PDCD1LG2: variants seen among roughly 807,000 people sequenced by gnomAD.
PDCD1LG2 encodes the protein programmed cell death 1 ligand 2, also known as B7 dendritic cell molecule.
PDCD1LG2 carries 32 observed loss-of-function variants against 28.2 expected under a neutral mutation model. The observed-to-expected ratio is 1.13, with a 90% confidence interval of 0.86 to 1.52. The LOEUF (loss-of-function observed/expected upper bound fraction) is 1.52, where lower values mean the gene tolerates loss of function less well. Among genes scored for constraint, PDCD1LG2 ranks in the 40% most tolerant of loss-of-function variants. The pLI is 0.00. For missense variants in PDCD1LG2, 385 were observed against 323.8 expected (o/e 1.19, Z -1.45); for synonymous variants, 116 against 120.2 (o/e 0.97, Z 0.23).
chr9:5,531,964 G>A (rs1820492419), intron 2 of PDCD1LG2, among the ~76,000 whole-genome samples: 1 of 152,172 alleles, frequency 6.6e-6, no homozygotes, highest in Admixed American at 6.5e-5. Context: ...GGTATCAGGT[G>A]GCTCTGCATT....
intron 4 of PDCD1LG2, among the ~76,000 whole-genome samples, chr9:5,556,606 G>A (rs1210625930): frequency 6.6e-6 from 1 of 152,168 alleles, no homozygotes; most frequent in African/African-American, 2.4e-5. Flanking sequence ...ACAATCCGTG[G>A]TTCTCAGATA....
chr9:5,516,608 C>T (rs748630775), intron 1 of PDCD1LG2, among the ~76,000 whole-genome samples: 4 of 152,210 alleles, frequency 2.6e-5, no homozygotes, highest in Non-Finnish European at 5.9e-5. Context: ...CCAGGCTGTT[C>T]GTGCCGAGGG....
chr9:5,561,501 A>C (rs1015848748), intron 5 of PDCD1LG2, among the ~76,000 whole-genome samples: 2 of 152,192 alleles, frequency 1.3e-5, no homozygotes, highest in Non-Finnish European at 2.9e-5. Flanking sequence ...TTTGTTGCAA[A>C]AGTGCTTAAT....
At position 5,570,448 on chromosome 9, in the gene PDCD1LG2, A is replaced by C; in HGVS notation, c.*489A>C. The stretch of plus-strand genomic sequence containing the variant: ...TGAGCTCACAGACAGGGCTTCGCAC[A>C]AACTCAAATCATAATTGACATGTTT... On this transcript the variant is annotated 3_prime_UTR_variant, in exon 7 of 7. Coordinates refer to ENST00000397747, the MANE Select transcript of PDCD1LG2 (RefSeq NM_025239.4). 4.3e-6 allele frequency: 1 copy of C among 234,780 alleles called. No homozygotes were observed. The highest frequency in any genetic ancestry group is 8.4e-6 in the Non-Finnish European group (1 of 119,080). 14.5% of individuals were successfully genotyped at this position (234,780 alleles called of 1,614,324 possible). A position where few individuals can be genotyped will look rare whatever the true frequency, so the allele number is the denominator to read the frequency against.
rs181125356 is a variant in PDCD1LG2, at chr9:5,543,434, G to T, written c.362-5901G>T. On this transcript the variant is annotated intron_variant, in intron 3 of 6. Coordinates refer to ENST00000397747, the MANE Select transcript of PDCD1LG2 (RefSeq NM_025239.4). Reference sequence around the variant, plus strand: ...GGCACCTGCAGTCGCAGCTACTCGGGAGGCTGAGGCAGGAGAATGGCAGGA... The same window carrying T: ...GGCACCTGCAGTCGCAGCTACTCGGTAGGCTGAGGCAGGAGAATGGCAGGA... Among the ~76,000 whole-genome samples the T allele has an allele frequency of 6.2e-4, 94 of 151,850 alleles. No homozygotes were observed. The East Asian group carries it at 0.016, about 26-fold the overall frequency.
intron 3 of PDCD1LG2, among the ~76,000 whole-genome samples, chr9:5,547,095 G>A (rs986785670): frequency 2.6e-5 from 4 of 152,154 alleles, no homozygotes; most frequent in African/African-American, 9.7e-5. Context: ...TCTTCCATAG[G>A]ATGTAAAAGG....
intron 6 of PDCD1LG2, among the ~76,000 whole-genome samples, chr9:5,565,402 T>C (rs895547785): frequency 6.6e-6 from 1 of 152,214 alleles, no homozygotes; most frequent in East Asian, 1.9e-4. Context: ...CAGGATGGTC[T>C]CAAACTCCTC....
At chr9:5,561,007 TAC>T (rs944708946) in intron 5 of PDCD1LG2, among the ~76,000 whole-genome samples, 2 of 152,154 alleles carry the variant, frequency 1.3e-5, no homozygotes, top group Admixed American at 1.3e-4. Context: ...GTTTCAAGAA[TAC>T]AGTAACTGTG....
chr9:5,520,114 C>T (rs1213218877), intron 1 of PDCD1LG2, among the ~76,000 whole-genome samples: 2 of 152,066 alleles, frequency 1.3e-5, no homozygotes, highest in African/African-American at 4.8e-5. Context: ...TGTAAGGAAG[C>T]CCGAATAGCC....
intron 5 of PDCD1LG2, among the ~76,000 whole-genome samples, chr9:5,558,295 T>C (rs1306718613): frequency 6.6e-6 from 1 of 152,236 alleles, no homozygotes; most frequent in Non-Finnish European, 1.5e-5. Context: ...GCAGCTCCCT[T>C]CGAGTTTCTC....
intron 3 of PDCD1LG2, among the ~76,000 whole-genome samples, chr9:5,544,649 A>G (rs1028523340): frequency 6.6e-6 from 1 of 152,200 alleles, no homozygotes; most frequent in African/African-American, 2.4e-5. Context: ...ATTGGGTGGT[A>G]AAAGGTGGGA....
chr9:5,554,203 G>A (rs1816392057), intron 4 of PDCD1LG2, among the ~76,000 whole-genome samples: 2 of 152,154 alleles, frequency 1.3e-5, no homozygotes, highest in African/African-American at 4.8e-5. Flanking sequence ...GGCAAAAGCA[G>A]AGTCCTGTGT....
intron 3 of PDCD1LG2, among the ~76,000 whole-genome samples, chr9:5,543,216 G>A (rs1820720599): frequency 1.3e-5 from 2 of 152,116 alleles, no homozygotes; most frequent in South Asian, 4.1e-4. Flanking sequence ...GGACTTAGGG[G>A]AAAGGATGGT....
rs73641636 is a variant in PDCD1LG2, at chr9:5,524,679, G to A, written c.55+2078G>A. On this transcript the variant is annotated intron_variant, in intron 2 of 6. Coordinates refer to ENST00000397747, the MANE Select transcript of PDCD1LG2 (RefSeq NM_025239.4). ...CTAAAGGATCTGAGAAATAATTAGT[G>A]TTTACTTCTGGGGAGGGGAGGAGGT... is the stretch of plus-strand genomic sequence containing the variant. Among the ~76,000 whole-genome samples the A allele has an allele frequency of 2.7e-3, 415 of 152,134 alleles. 1 individual carries two copies. The highest frequency in any genetic ancestry group is 9.8e-3 in the African/African-American group (406 of 41,504).
At chr9:5,537,176 G>A (rs1448429587) in intron 3 of PDCD1LG2, among the ~76,000 whole-genome samples, 3 of 152,268 alleles carry the variant, frequency 2.0e-5, no homozygotes, top group East Asian at 3.9e-4. Context: ...AGAATGAAAT[G>A]GCATTGCTGT....
rs903226992 is a variant in PDCD1LG2 at position 5,538,645 on chromosome 9, T to G, written c.361+3595T>G. Among the ~76,000 whole-genome samples, 29 of 149,218 alleles carry G rather than the reference T, an allele frequency of 1.9e-4. 1 individual carries two copies. Among genetic ancestry groups the G allele is most frequent in the Non-Finnish European group, 3.8e-4 (26 of 67,676 alleles). On this transcript the variant is annotated intron_variant, in intron 3 of 6. Coordinates refer to ENST00000397747, the MANE Select transcript of PDCD1LG2 (RefSeq NM_025239.4). ...GGAGCTTGTAGTGAGCCGAGATCGCTCCACTGCACTCCAGCCTGGGCGACA... is the reference window on the plus strand; with the variant it reads ...GGAGCTTGTAGTGAGCCGAGATCGCGCCACTGCACTCCAGCCTGGGCGACA...
intron 2 of PDCD1LG2, among the ~76,000 whole-genome samples, chr9:5,527,038 TTTCC>T (rs1296160628): frequency 2.0e-5 from 3 of 152,224 alleles, no homozygotes; most frequent in African/African-American, 4.8e-5. Flanking sequence ...TCATTAACTC[TTTCC>T]TTACTTGTAT....
At chr9:5,532,305 A>G (rs1161946840) in intron 2 of PDCD1LG2, among the ~76,000 whole-genome samples, 2 of 152,232 alleles carry the variant, frequency 1.3e-5, no homozygotes, top group Non-Finnish European at 2.9e-5. Context: ...TGTTCTAGCC[A>G]TGGTTAAAAC....
chr9:5,526,638 A>G (rs913716157), intron 2 of PDCD1LG2, among the ~76,000 whole-genome samples: 5 of 152,062 alleles, frequency 3.3e-5, no homozygotes, highest in African/African-American at 9.7e-5. Flanking sequence ...GGGTCTTGCT[A>G]TGTTACACAG....
Sources: allele counts gnomAD v4.1 joint callset (sites outside exome capture counted in the v4.1 genomes callset), GRCh38; gene constraint gnomAD v4.1.1; transcripts MANE v1.5; gene names NCBI Gene and HGNC (gene_info 2026-07-23, HGNC 2026-07-21).